The following CPNE4 variants were observed in gnomAD, a reference collection of about 807,000 sequenced individuals.
CPNE4 encodes the protein copine 4, also known as copine-4.
Under a neutral mutation model 67.9 loss-of-function variants are expected in CPNE4, and 25 were observed. The observed-to-expected ratio is 0.37, with a 90% CI of 0.27 to 0.51. The LOEUF is 0.51. Among genes scored for constraint, CPNE4 ranks in the 20% least tolerant of loss-of-function variants. The probability of loss-of-function intolerance (pLI) is 0.93; values close to 1 mark genes in which losing one functional copy is unlikely to be tolerated. For missense variants in CPNE4, 464 were observed against 690.8 expected (o/e 0.67, Z 3.68); for synonymous variants, 242 against 244.9 (o/e 0.99, Z 0.11).
At chr3:131,582,853 C>T (rs1937926952) in intron 8 of CPNE4, among the ~76,000 whole-genome samples, 1 of 152,180 alleles carries the variant, frequency 6.6e-6, no homozygotes, top group African/African-American at 2.4e-5. Context: ...CGAGTGAGTT[C>T]TGTTGGCACC....
rs898789957 is a variant in CPNE4, at chr3:131,992,244, A to G, written c.-2+42323T>C. 2.9e-5 allele frequency among the ~76,000 whole-genome samples: 4 copies of G among 136,596 alleles called. 1 individual carries two copies. Among genetic ancestry groups the G allele is most frequent in the Non-Finnish European group, 3.3e-5 (2 of 60,052 alleles). 89.6% of individuals were successfully genotyped at this position (136,596 alleles called of 152,430 possible). On this transcript the variant is annotated intron_variant, in intron 1 of 15. Coordinates refer to ENST00000429747, the MANE Select transcript of CPNE4 (RefSeq NM_130808.3). ...AAAGCCTCAGACACACAAGCTGTGA[A>G]AGCAGCTGGAAGGGAGCTGTACCCT...
chr3:131,577,897 C>T (rs545691467), intron 9 of CPNE4, among the ~76,000 whole-genome samples: 70 of 152,188 alleles, frequency 4.6e-4, no homozygotes, highest in African/African-American at 1.7e-3. Flanking sequence ...TTATGCAGAG[C>T]ATGACTGTAT....
chr3:131,567,424 A>C (rs1225957272), intron 10 of CPNE4, among the ~76,000 whole-genome samples: 2 of 151,998 alleles, frequency 1.3e-5, no homozygotes, highest in African/African-American at 4.8e-5. Flanking sequence ...AAAAAAACAT[A>C]TCAGAGCTGG....
intron 7 of CPNE4, among the ~76,000 whole-genome samples, chr3:131,644,197 G>A (rs144634447): frequency 0.025 from 3,869 of 152,038 alleles, 61 homozygotes; most frequent in Non-Finnish European, 0.035. Flanking sequence ...ACCCAGGCTG[G>A]AGTGCAGTGG....
At chr3:131,878,297 G>T (rs1380067673) in intron 2 of CPNE4, among the ~76,000 whole-genome samples, 2 of 152,182 alleles carry the variant, frequency 1.3e-5, no homozygotes, top group Non-Finnish European at 2.9e-5. Flanking sequence ...CAATGATAAT[G>T]AACGAATGAC....
intron 1 of CPNE4, among the ~76,000 whole-genome samples, chr3:131,992,760 C>T (rs2073199716): frequency 7.3e-6 from 1 of 136,084 alleles, no homozygotes; most frequent in Non-Finnish European, 1.7e-5. Context: ...GTCAGAGGGA[C>T]CTGGTGGGAG....
At chr3:131,925,304 C>T (rs764909763) in intron 1 of CPNE4, among the ~76,000 whole-genome samples, 6 of 152,124 alleles carry the variant, frequency 3.9e-5, no homozygotes, top group East Asian at 3.9e-4. Flanking sequence ...GAGCCAGAGC[C>T]GCCCAGAGTC....
At chr3:131,831,541 A>G (rs553908288) in intron 2 of CPNE4, among the ~76,000 whole-genome samples, 2 of 152,346 alleles carry the variant, frequency 1.3e-5, no homozygotes, top group East Asian at 3.9e-4. Context: ...GCAAGGTACT[A>G]TTGCTGGCCT....
chr3:131,981,891 C>T (rs1172875769), intron 1 of CPNE4, among the ~76,000 whole-genome samples: 2 of 152,198 alleles, frequency 1.3e-5, no homozygotes, highest in African/African-American at 4.8e-5. Flanking sequence ...AGAGGAGGGT[C>T]TCCCTTTCCC....
intron 2 of CPNE4, among the ~76,000 whole-genome samples, chr3:131,732,162 C>T (rs562376552): frequency 3.3e-5 from 5 of 152,130 alleles, no homozygotes; most frequent in Admixed American, 3.3e-4. Context: ...CTGGATCAGA[C>T]CTTATATGCT....
chr3:131,685,728 A>C (rs6439314), intron 6 of CPNE4, 147 bp downstream of exon 6: 532,517 of 570,118 alleles, frequency 0.93, 250,935 homozygotes, highest in Middle Eastern at 0.99. Flanking sequence ...TTGCAGTGAG[A>C]CGAGACTGCG....
At chr3:131,954,362 A>G (rs1307990278) in intron 1 of CPNE4, among the ~76,000 whole-genome samples, 1 of 152,184 alleles carries the variant, frequency 6.6e-6, no homozygotes, top group African/African-American at 2.4e-5. Flanking sequence ...ACACACATAA[A>G]TACACATATG....
At chr3:131,794,877 T>G (rs2083876683) in intron 2 of CPNE4, among the ~76,000 whole-genome samples, 1 of 152,112 alleles carries the variant, frequency 6.6e-6, no homozygotes. Context: ...TGAAACTCAG[T>G]CCCTCACCAA....
At chr3:131,909,035 T>C (rs1172998039) in intron 1 of CPNE4, among the ~76,000 whole-genome samples, 1 of 152,158 alleles carries the variant, frequency 6.6e-6, no homozygotes, top group African/African-American at 2.4e-5. Flanking sequence ...CTCTTAGATG[T>C]CTCACTATTA....
chr3:131,931,602 A>G (rs1394824245), intron 1 of CPNE4, among the ~76,000 whole-genome samples: 2 of 152,094 alleles, frequency 1.3e-5, no homozygotes, highest in Admixed American at 6.6e-5. Context: ...CAAAAAATAG[A>G]GTCTTCCCCT....
chr3:131,906,203 T>G (rs1053145026), intron 1 of CPNE4, among the ~76,000 whole-genome samples: 127 of 25,142 alleles, frequency 5.1e-3, no homozygotes, highest in African/African-American at 0.01. Context: ...TTATTTTTTG[T>G]TTTTTTTTGT....
rs3039201 is a variant in CPNE4 at position 131,586,726 on chromosome 3, A to ATCTGTCTG, written c.780+750_780+757dup. On this transcript the variant is annotated intron_variant, in intron 8 of 15. Coordinates refer to ENST00000429747, the MANE Select transcript of CPNE4 (RefSeq NM_130808.3). ...TGGGCCCAGATGACTTTCTATCTCT[A>ATCTGTCTG]TCTGTCTGTCTGTCTGTCTGTCTGT... is the stretch of plus-strand genomic sequence containing the variant. Among the ~76,000 whole-genome samples the ATCTGTCTG allele has an allele frequency of 1.5e-3, 189 of 129,694 alleles. 1 individual carries two copies. In the East Asian group the frequency reaches 0.019, roughly 13 times the overall value. The allele number at this position is 129,694 out of a possible 152,430, so 85.1% of individuals were successfully genotyped here.
intron 6 of CPNE4, among the ~76,000 whole-genome samples, chr3:131,681,202 T>C (rs1286857598): frequency 6.6e-6 from 1 of 152,212 alleles, no homozygotes; most frequent in Non-Finnish European, 1.5e-5. Context: ...CATTATAATA[T>C]TCTGTGTTTT....
At chr3:131,600,527 A>G (rs911799656) in intron 7 of CPNE4, among the ~76,000 whole-genome samples, 2 of 152,200 alleles carry the variant, frequency 1.3e-5, no homozygotes, top group African/African-American at 2.4e-5. Context: ...TTTAAGATCT[A>G]TTATAAATAT....
Sources: allele counts gnomAD v4.1 joint callset (sites outside exome capture counted in the v4.1 genomes callset), GRCh38; gene constraint gnomAD v4.1.1; transcripts MANE v1.5; gene names NCBI Gene and HGNC (gene_info 2026-07-23, HGNC 2026-07-21).